ADGRL3: variants seen among roughly 807,000 people sequenced by gnomAD.
ADGRL3 encodes calcium-independent alpha-latrotoxin receptor 3.
A neutral mutation model predicts 153.5 loss-of-function variants in ADGRL3; 62 were observed. That is an observed-to-expected ratio of 0.40 (90% confidence interval 0.33 to 0.50). The LOEUF (loss-of-function observed/expected upper bound fraction) is 0.50. Among genes scored for constraint, ADGRL3 ranks in the 20% least tolerant of loss-of-function variants. ADGRL3 has a pLI of 0.47. For synonymous variants in ADGRL3, 710 were observed against 672.5 expected, an observed-to-expected ratio of 1.06 and a Z score of -0.86; for missense variants, 1,641 against 1,859.4, an observed-to-expected ratio of 0.88 and a Z score of 2.16.
intron 1 of ADGRL3, among the ~76,000 whole-genome samples, chr4:61,257,975 G>A (rs1363579661): frequency 6.6e-6 from 1 of 152,124 alleles, no homozygotes; most frequent in Non-Finnish European, 1.5e-5. Context: ...GTCAGAAGTG[G>A]TGTCTGAGTA....
At chr4:61,977,207 T>A (rs542284158) in intron 17 of ADGRL3, among the ~76,000 whole-genome samples, 1 of 151,898 alleles carries the variant, frequency 6.6e-6, no homozygotes, top group South Asian at 2.1e-4. Context: ...TCTTTTCTTT[T>A]TTTCTTGTTC....
Position 61,745,512 on chromosome 4 carries a change from C to T in ADGRL3, c.1399+11958C>T, listed in dbSNP as rs576972718. On this transcript the variant is annotated intron_variant, in intron 8 of 26. Coordinates refer to ENST00000683033, the MANE Select transcript of ADGRL3 (RefSeq NM_001387552.1). ...CCCATCAGACTAACAGCTGATCTCT[C>T]GGCAGAAACTCTACAAGCCAGAAGA... Among the ~76,000 whole-genome samples, 746 of 152,262 alleles carry T rather than the reference C, an allele frequency of 4.9e-3. 11 individuals are homozygous for T. The highest frequency in any genetic ancestry group is 0.039 in the East Asian group (203 of 5,178).
intron 1 of ADGRL3, among the ~76,000 whole-genome samples, chr4:61,363,334 C>A (rs970632778): frequency 7.2e-6 from 1 of 138,346 alleles, no homozygotes; most frequent in Admixed American, 7.6e-5. Context: ...AAGTAAAAGC[C>A]GGTAATTTTT....
chr4:61,228,621 A>C (rs1002533372), intron 1 of ADGRL3, among the ~76,000 whole-genome samples: 16 of 152,194 alleles, frequency 1.1e-4, no homozygotes, highest in Admixed American at 1.3e-4. Flanking sequence ...ATTATTTGTA[A>C]AAGAGCTTCC....
chr4:61,809,268 G>A (rs2097582450), intron 8 of ADGRL3, among the ~76,000 whole-genome samples: 1 of 152,004 alleles, frequency 6.6e-6, no homozygotes, highest in South Asian at 2.1e-4. Context: ...AGAAAGTTGT[G>A]TTTATTTTCC....
At chr4:61,988,763 G>T (rs2099094289) in intron 19 of ADGRL3, among the ~76,000 whole-genome samples, 1 of 152,140 alleles carries the variant, frequency 6.6e-6, no homozygotes, top group Non-Finnish European at 1.5e-5. Context: ...ACCAGGAAAA[G>T]GGAGAGAGCA....
At chr4:61,520,384 C>T (rs1391423705) in intron 4 of ADGRL3, among the ~76,000 whole-genome samples, 1 of 152,144 alleles carries the variant, frequency 6.6e-6, no homozygotes, top group African/African-American at 2.4e-5. Context: ...ACAAACCACA[C>T]AGACAGTGGT....
chr4:61,365,620 TA>T (rs1377877796), intron 1 of ADGRL3, among the ~76,000 whole-genome samples: 1 of 152,250 alleles, frequency 6.6e-6, no homozygotes, highest in Admixed American at 6.5e-5. Flanking sequence ...GCAGCCAATT[TA>T]AAATTGCTTC....
intron 25 of ADGRL3, among the ~76,000 whole-genome samples, chr4:62,064,281 T>C (rs1301350174): frequency 6.6e-6 from 1 of 151,852 alleles, no homozygotes; most frequent in East Asian, 1.9e-4. Flanking sequence ...CTTTTGAGTA[T>C]GGTTCCTCTG....
chr4:61,597,243 A>G (rs559153702), intron 5 of ADGRL3, among the ~76,000 whole-genome samples: 1 of 152,126 alleles, frequency 6.6e-6, no homozygotes, highest in Non-Finnish European at 1.5e-5. Flanking sequence ...GTCTACAGGA[A>G]TGCTGTAATA....
chr4:61,627,604 G>A (rs949939520), intron 5 of ADGRL3, among the ~76,000 whole-genome samples: 1 of 152,138 alleles, frequency 6.6e-6, no homozygotes. Context: ...CTGGGCAACA[G>A]AGTGAGACTC....
At chr4:62,001,746 A>T (rs1222816135) in intron 21 of ADGRL3, among the ~76,000 whole-genome samples, 1 of 152,178 alleles carries the variant, frequency 6.6e-6, no homozygotes, top group Non-Finnish European at 1.5e-5. Context: ...CTTTAAAGAT[A>T]TAAGTATCAT....
intron 6 of ADGRL3, among the ~76,000 whole-genome samples, chr4:61,723,763 A>G (rs1423617730): frequency 6.6e-6 from 1 of 152,276 alleles, no homozygotes; most frequent in South Asian, 2.1e-4. Flanking sequence ...TTGCATATCA[A>G]TGCTTGCCGG....
chr4:61,664,670 C>T (rs1028380600), intron 5 of ADGRL3, among the ~76,000 whole-genome samples: 1 of 152,122 alleles, frequency 6.6e-6, no homozygotes, highest in Non-Finnish European at 1.5e-5. Flanking sequence ...TAAAATGCCT[C>T]ATATCATATA....
At chr4:61,708,190 T>C (rs925719089) in intron 6 of ADGRL3, among the ~76,000 whole-genome samples, 1 of 152,142 alleles carries the variant, frequency 6.6e-6, no homozygotes, top group African/African-American at 2.4e-5. Context: ...TTATATTGGC[T>C]CTGGGAAAAA....
At chr4:61,717,863 A>G (rs2151586161) in intron 6 of ADGRL3, among the ~76,000 whole-genome samples, 1 of 152,000 alleles carries the variant, frequency 6.6e-6, no homozygotes, top group East Asian at 2.0e-4. Flanking sequence ...GTGGAACCCC[A>G]TCTCAATTAA....
At chr4:62,021,527 T>A (rs2099238249) in intron 21 of ADGRL3, among the ~76,000 whole-genome samples, 2 of 152,170 alleles carry the variant, frequency 1.3e-5, no homozygotes, top group Non-Finnish European at 2.9e-5. Flanking sequence ...TACCTCATTT[T>A]ATTGTGCTTC....
At chr4:61,995,865 A>G (rs2099119899) in intron 19 of ADGRL3, among the ~76,000 whole-genome samples, 1 of 152,158 alleles carries the variant, frequency 6.6e-6, no homozygotes, top group African/African-American at 2.4e-5. Context: ...TTTGTACCAC[A>G]TTTCCTCAGA....
chr4:61,885,215 G>A (rs904138899), intron 9 of ADGRL3, among the ~76,000 whole-genome samples: 19 of 152,074 alleles, frequency 1.2e-4, no homozygotes, highest in South Asian at 4.1e-4. Context: ...TGTAATCCCA[G>A]CTACTCAGCA....
Sources: allele counts gnomAD v4.1 joint callset (sites outside exome capture counted in the v4.1 genomes callset), GRCh38; gene constraint gnomAD v4.1.1; transcripts MANE v1.5; gene names NCBI Gene and HGNC (gene_info 2026-07-23, HGNC 2026-07-21).